CDC25C: variants seen among roughly 807,000 people sequenced by gnomAD.
CDC25C encodes cell division cycle 25C, also known as M-phase inducer phosphatase 3.
Under a neutral mutation model 52.5 loss-of-function variants are expected in CDC25C, and 48 were observed. The ratio of observed to expected loss-of-function variants is 0.91; its 90% CI spans 0.72 to 1.16. CDC25C has a LOEUF of 1.16. Ranked by LOEUF, CDC25C falls within the 50% of genes most tolerant of loss-of-function variation. CDC25C has a pLI of 0.00. For synonymous variants in CDC25C, 187 were observed against 206.5 expected (o/e 0.91, Z 0.81); for missense variants, 510 against 566.1 (o/e 0.90, Z 1.01).
At chr5:138,320,912 T>A (rs1353486605) in intron 6 of CDC25C, among the ~76,000 whole-genome samples, 2 of 80,214 alleles carry the variant, frequency 2.5e-5, no homozygotes, top group African/African-American at 5.7e-5. Flanking sequence ...TGAGACTCTG[T>A]CTCAAAAAAA....
chr5:138,322,158 C>T (rs1023517901), intron 6 of CDC25C, among the ~76,000 whole-genome samples: 27 of 150,630 alleles, frequency 1.8e-4, no homozygotes, highest in Non-Finnish European at 3.3e-4. Flanking sequence ...CCCGCCACCA[C>T]GACTGGCTAA....
At chr5:138,317,682 T>TAAAAAAA (rs70982706) in intron 7 of CDC25C, among the ~76,000 whole-genome samples, 11 of 54,208 alleles carry the variant, frequency 2.0e-4, no homozygotes, top group Admixed American at 8.4e-4. Flanking sequence ...CCTGTCTATC[T>TAAAAAAA]AAAAAAAAAA....
intron 7 of CDC25C, among the ~76,000 whole-genome samples, chr5:138,315,193 G>C (rs908798845): frequency 7.9e-5 from 12 of 152,144 alleles, no homozygotes; most frequent in African/African-American, 2.7e-4. Flanking sequence ...AGTGTGCTGG[G>C]ATTACAGGCA....
rs138874164 is a variant in CDC25C, at chr5:138,330,409, C to T, written c.194+578G>A. Reference sequence around the variant, plus strand: ...CTAATATTAATACTAATAAAGTGACCGACTCGTAATGCAGCGGTTTTCAAA... The same window carrying T: ...CTAATATTAATACTAATAAAGTGACTGACTCGTAATGCAGCGGTTTTCAAA... On this transcript the variant is annotated intron_variant, in intron 2 of 13. Coordinates refer to ENST00000323760, the MANE Select transcript of CDC25C (RefSeq NM_001790.5). Among the ~76,000 whole-genome samples, 658 of 152,150 alleles carry T rather than the reference C, an allele frequency of 4.3e-3. 2 individuals are homozygous for T. Among genetic ancestry groups the T allele is most frequent in the African/African-American group, 0.015 (616 of 41,484 alleles).
upstream of CDC25C, among the ~76,000 whole-genome samples, chr5:138,336,282 G>C (rs975333917): frequency 1.3e-5 from 2 of 151,978 alleles, no homozygotes; most frequent in Non-Finnish European, 2.9e-5. Context: ...ACAGATGGGC[G>C]CCACAATGCC....
At chr5:138,329,876 G>A (rs754403631) in intron 2 of CDC25C, among the ~76,000 whole-genome samples, 1 of 151,868 alleles carries the variant, frequency 6.6e-6, no homozygotes, top group East Asian at 1.9e-4. Context: ...GATCACAGGC[G>A]CCTGCCACCA....
At chr5:138,300,419 TG>T (rs1490790553) in intron 7 of CDC25C, among the ~76,000 whole-genome samples, 1 of 151,918 alleles carries the variant, frequency 6.6e-6, no homozygotes, top group Non-Finnish European at 1.5e-5. Flanking sequence ...AAAAATTAGC[TG>T]GGTACAGTGG....
intron 8 of CDC25C, among the ~76,000 whole-genome samples, chr5:138,291,665 C>T (rs934834998): frequency 1.3e-5 from 2 of 151,824 alleles, no homozygotes; most frequent in African/African-American, 4.8e-5. Flanking sequence ...GCAATCCGCC[C>T]GCCTCGGCCT....
chr5:138,324,458 A>C (rs1238276141), intron 6 of CDC25C, among the ~76,000 whole-genome samples: 1 of 151,912 alleles, frequency 6.6e-6, no homozygotes, highest in Non-Finnish European at 1.5e-5. Flanking sequence ...GAAAAAAAAA[A>C]ACTTTAAAAA....
chr5:138,309,756 C>A (rs1758305091), intron 7 of CDC25C, among the ~76,000 whole-genome samples: 1 of 141,140 alleles, frequency 7.1e-6, no homozygotes, highest in Non-Finnish European at 1.5e-5. Flanking sequence ...CGCTCTGTCA[C>A]CCAGGCTGGA....
intron 4 of CDC25C, 114 bp downstream of exon 4, chr5:138,328,370 C>A: frequency 1.2e-6 from 1 of 856,224 alleles, no homozygotes. Flanking sequence ...GCCTCAAAGC[C>A]CACTTATACC....
At position 138,286,117 on chromosome 5, in the gene CDC25C, C is replaced by A; in HGVS notation, c.1177G>T (p.Glu393Ter). The change falls in exon 13 of 14, where the codon GAA (glutamate) becomes TAA (stop). Residue 393 changes from glutamate to a stop codon, truncating the protein, a stop_gained. Coordinates refer to ENST00000323760, the MANE Select transcript of CDC25C (RefSeq NM_001790.5). LOFTEE classifies it high-confidence loss of function. Reference protein sequence around the residue: ...RGPRMCRCLREEDRSLNQYPA... With the variant: ...RGPRMCRCLR ...TACTGGTTCAGAGACCTGTCCTCTT[C>A]ACGCAGACAGCGGCACCTTTAGAGA... is the stretch of plus-strand genomic sequence containing the variant. The A allele has an allele frequency of 6.2e-7, 1 of 1,613,794 alleles. No individual in the cohort carries two copies. Among genetic ancestry groups the A allele is most frequent in the Non-Finnish European group, 8.5e-7 (1 of 1,179,768 alleles).
intron 7 of CDC25C, among the ~76,000 whole-genome samples, chr5:138,294,917 G>A (rs530604628): frequency 9.3e-4 from 142 of 152,326 alleles, no homozygotes; most frequent in African/African-American, 3.3e-3. Flanking sequence ...CCAAAGTGCT[G>A]GGATTACAGG....
At chr5:138,303,774 T>A (rs1248391820) in intron 7 of CDC25C, among the ~76,000 whole-genome samples, 1 of 152,202 alleles carries the variant, frequency 6.6e-6, no homozygotes, top group African/African-American at 2.4e-5. Context: ...ATTTTTACCA[T>A]CTGCCATATT....
chr5:138,286,650 GT>G lies in CDC25C; in HGVS notation c.1027-21del, dbSNP rs1296648371. On this transcript the variant is annotated intron_variant, in intron 11 of 13. Coordinates refer to ENST00000323760, the MANE Select transcript of CDC25C (RefSeq NM_001790.5). ...GGCTCCCTGTAGAAGAAGAATTTTA[GT>G]AAGTATTTCCTCAGGGGCTTATAGA... 1.2e-6 allele frequency: 2 copies of G among 1,602,808 alleles called. No individual in the cohort carries two copies. Among genetic ancestry groups the G allele is most frequent in the Admixed American group, 3.4e-5 (2 of 58,142 alleles).
chr5:138,318,701 C>T (rs1274208350), intron 7 of CDC25C, among the ~76,000 whole-genome samples: 2 of 151,902 alleles, frequency 1.3e-5, no homozygotes, highest in African/African-American at 2.4e-5. Context: ...GGCGACAGAG[C>T]GAGAATCTGT....
chr5:138,319,093 G>A, intron 7 of CDC25C, 126 bp downstream of exon 7: 2 of 756,612 alleles, frequency 2.6e-6, no homozygotes, highest in Non-Finnish European at 4.3e-6. Context: ...TGGCTATGAG[G>A]GTTGCTGGAT....
intron 1 of CDC25C, chr5:138,337,668 G>A (rs1036621148): frequency 1.2e-5 from 4 of 321,828 alleles, no homozygotes; most frequent in African/African-American, 2.2e-5. Flanking sequence ...ACCATTATAA[G>A]TCCTGGGTTT....
At chr5:138,327,403 C>T (rs977573022) in intron 4 of CDC25C, among the ~76,000 whole-genome samples, 5 of 151,366 alleles carry the variant, frequency 3.3e-5, no homozygotes, top group South Asian at 2.1e-4. Context: ...GGGGGTGGGG[C>T]GCTGATCACT....
Sources: allele counts gnomAD v4.1 joint callset (sites outside exome capture counted in the v4.1 genomes callset), GRCh38; gene constraint gnomAD v4.1.1; transcripts MANE v1.5; gene names NCBI Gene and HGNC (gene_info 2026-07-23, HGNC 2026-07-21).